Variants in ZSWIM6 observed in about 807,000 individuals in gnomAD.
The protein encoded by ZSWIM6 is zinc finger SWIM domain-containing protein 6.
In ZSWIM6, 9 loss-of-function variants were observed where a neutral mutation model predicts 113.2. That is an observed-to-expected ratio of 0.08 (90% confidence interval 0.05 to 0.14). The LOEUF is 0.14. ZSWIM6 is among the 10% of genes least tolerant of loss of function. ZSWIM6 has a pLI of 1.00. For synonymous variants in ZSWIM6, 611 were observed against 606.5 expected, an observed-to-expected ratio of 1.01 and a Z score of -0.11; for missense variants, 1,162 against 1,552.2, an observed-to-expected ratio of 0.75 and a Z score of 4.22.
chr5:61,511,438 T>A (rs1214969586), intron 4 of ZSWIM6, among the ~76,000 whole-genome samples: 1 of 152,130 alleles, frequency 6.6e-6, no homozygotes, highest in Non-Finnish European at 1.5e-5. Context: ...AGTTTTCTTA[T>A]CGCTATGGTC....
intron 4 of ZSWIM6, among the ~76,000 whole-genome samples, 154 bp from the exon 5 acceptor site, chr5:61,521,109 A>C (rs942254394): frequency 1.3e-5 from 2 of 152,034 alleles, no homozygotes; most frequent in African/African-American, 4.8e-5. Context: ...TTTAAAATTT[A>C]TAATTAACTT....
chr5:61,406,145 T>G (rs1746039430), intron 1 of ZSWIM6, among the ~76,000 whole-genome samples: 1 of 152,210 alleles, frequency 6.6e-6, no homozygotes, highest in African/African-American at 2.4e-5. Context: ...GAACTTTATG[T>G]CTGCAGGTCT....
chr5:61,513,686 A>G (rs1034693491), intron 4 of ZSWIM6, among the ~76,000 whole-genome samples: 2 of 152,012 alleles, frequency 1.3e-5, no homozygotes, highest in Non-Finnish European at 2.9e-5. Flanking sequence ...ATTTTTTTAC[A>G]TGAATATCTA....
Position 61,543,692 on chromosome 5 carries a change from T to C in ZSWIM6, c.3023T>C (p.Ile1008Thr). Reference sequence around the variant, plus strand: ...CTAACCCTTTGTGAAAAGGATCACATAGCTTTTGAGACGGCGTACCAAATT... The same window carrying C: ...CTAACCCTTTGTGAAAAGGATCACACAGCTTTTGAGACGGCGTACCAAATT... ...SALTLCEKDHIAFETAYQIVL... is the reference protein window; with the variant it reads ...SALTLCEKDHTAFETAYQIVL... The change falls in exon 14 of 14, where the codon ATA becomes ACA. Residue 1008 changes from isoleucine to threonine, a missense_variant. Ile to Thr is a moderately conservative substitution (Grantham distance 89). Around this residue, in one of 4 missense-constraint regions of ZSWIM6, gnomAD observed 620 missense variants for 804.6 expected, o/e 0.77. Coordinates refer to ENST00000252744, the MANE Select transcript of ZSWIM6 (RefSeq NM_020928.2). The surrounding 1 kb of genome is among the most constrained non-coding windows in gnomAD (Gnocchi z 4.3). The C allele has an allele frequency of 6.4e-7, 1 of 1,551,680 alleles. No homozygotes were observed. Among genetic ancestry groups the C allele is most frequent in the Non-Finnish European group, 8.7e-7 (1 of 1,146,996 alleles).
At chr5:61,539,821 G>T (rs1408231758) in intron 12 of ZSWIM6, 62 bp downstream of exon 12, 2 of 1,465,210 alleles carry the variant, frequency 1.4e-6, no homozygotes, top group African/African-American at 2.9e-5. Context: ...ACCTCTTAGG[G>T]TTGTTTTTGT....
At chr5:61,371,535 G>A (rs1265645189) in intron 1 of ZSWIM6, among the ~76,000 whole-genome samples, 1 of 152,148 alleles carries the variant, frequency 6.6e-6, no homozygotes, top group Non-Finnish European at 1.5e-5. Context: ...TAGGTTTTGG[G>A]TATTGTAAGA....
chr5:61,485,486 C>A (rs1304806591), intron 2 of ZSWIM6, among the ~76,000 whole-genome samples: 1 of 152,130 alleles, frequency 6.6e-6, no homozygotes, highest in African/African-American at 2.4e-5. Flanking sequence ...AAACACTGCC[C>A]CTCCCGATTT....
intron 1 of ZSWIM6, among the ~76,000 whole-genome samples, chr5:61,438,721 T>A (rs899134930): frequency 1.1e-4 from 16 of 152,206 alleles, no homozygotes; most frequent in African/African-American, 3.6e-4. Context: ...TAGTACGCTT[T>A]CTCTGCAGGG....
chr5:61,337,966 ATGTG>A (rs140416092), intron 1 of ZSWIM6, among the ~76,000 whole-genome samples: 1 of 150,376 alleles, frequency 6.6e-6, no homozygotes, highest in Non-Finnish European at 1.5e-5. Flanking sequence ...GTGTTCGCAT[ATGTG>A]TGTGTGTGTG....
At position 61,401,221 on chromosome 5, in the gene ZSWIM6, A is replaced by G. The variant is rs547109406; in HGVS notation, c.676+68273A>G. 4.6e-5 allele frequency among the ~76,000 whole-genome samples: 7 copies of G among 152,126 alleles called. No homozygotes were observed. In the South Asian group the frequency reaches 1.0e-3, roughly 23 times the overall value. Reference sequence around the variant, plus strand: ...TGGAGTGCCTAGTACTGAGTGATAAATGGGGGTTGGGATGGTGGTGCTGGT... The same window carrying G: ...TGGAGTGCCTAGTACTGAGTGATAAGTGGGGGTTGGGATGGTGGTGCTGGT... On this transcript the variant is annotated intron_variant, in intron 1 of 13. Coordinates refer to ENST00000252744, the MANE Select transcript of ZSWIM6 (RefSeq NM_020928.2).
intron 1 of ZSWIM6, chr5:61,391,754 G>C (rs1290746159): frequency 1.6e-5 from 17 of 1,079,564 alleles, no homozygotes; most frequent in Non-Finnish European, 2.3e-5. Flanking sequence ...AGGTGGACCA[G>C]CTTGGAAGGG....
chr5:61,533,460 A>T (rs529543798), intron 9 of ZSWIM6, among the ~76,000 whole-genome samples: 1 of 152,342 alleles, frequency 6.6e-6, no homozygotes, highest in South Asian at 2.1e-4. Flanking sequence ...ATAAATTAGC[A>T]TATTGAACAA....
intron 4 of ZSWIM6, among the ~76,000 whole-genome samples, chr5:61,520,386 C>T (rs368105265): frequency 1.6e-4 from 25 of 152,172 alleles, no homozygotes; most frequent in African/African-American, 4.6e-4. Flanking sequence ...TCTACTTCTT[C>T]GAAGAATGTA....
intron 4 of ZSWIM6, among the ~76,000 whole-genome samples, chr5:61,502,407 C>G (rs562600848): frequency 9.0e-4 from 137 of 152,254 alleles, no homozygotes; most frequent in Admixed American, 2.4e-3. Context: ...AGACACTGCC[C>G]TGCAGAGCCC....
chr5:61,429,779 G>GAGGACAGGGACATCCA (rs1055185749), intron 1 of ZSWIM6, among the ~76,000 whole-genome samples: 1 of 152,150 alleles, frequency 6.6e-6, no homozygotes, highest in Non-Finnish European at 1.5e-5. Flanking sequence ...GGTAAGGCCT[G>GAGGACAGGGACATCCA]AGGACAGGGA....
At chr5:61,443,050 T>G (rs923457202) in intron 1 of ZSWIM6, among the ~76,000 whole-genome samples, 2 of 152,188 alleles carry the variant, frequency 1.3e-5, no homozygotes, top group African/African-American at 4.8e-5. Context: ...AGCCTTTCAC[T>G]TAGTGTCCTG....
At chr5:61,519,459 C>A (rs116688253) in intron 4 of ZSWIM6, among the ~76,000 whole-genome samples, 161 of 152,262 alleles carry the variant, frequency 1.1e-3, no homozygotes, top group African/African-American at 3.8e-3. Context: ...AATGGCAAGT[C>A]ACCCCCATCA....
chr5:61,479,457 T>G (rs2112196121), intron 2 of ZSWIM6, among the ~76,000 whole-genome samples: 1 of 152,272 alleles, frequency 6.6e-6, no homozygotes, highest in African/African-American at 2.4e-5. Context: ...CACTCTTTGG[T>G]CATCTCTGAC....
intron 1 of ZSWIM6, among the ~76,000 whole-genome samples, chr5:61,372,285 A>G (rs1438484664): frequency 1.4e-5 from 2 of 142,320 alleles, no homozygotes; most frequent in South Asian, 2.2e-4. Context: ...CCTCTGCCCT[A>G]TTTTTTTTTT....
Sources: allele counts gnomAD v4.1 joint callset (sites outside exome capture counted in the v4.1 genomes callset), GRCh38; gene constraint gnomAD v4.1.1; regional missense constraint gnomAD v4.1.1; non-coding constraint Gnocchi (gnomAD v3.1); transcripts MANE v1.5; gene names NCBI Gene and HGNC (gene_info 2026-07-23, HGNC 2026-07-21).